The following HIP1 variants were observed in gnomAD, a reference collection of about 807,000 sequenced individuals.
HIP1 encodes the protein huntingtin-interacting protein 1.
HIP1 carries 65 observed loss-of-function variants against 147.6 expected under a neutral mutation model. The ratio of observed to expected loss-of-function variants is 0.44; its 90% CI spans 0.36 to 0.54. The LOEUF is 0.54. Ranked by LOEUF, HIP1 falls within the 20% of genes least tolerant of loss-of-function variation. HIP1 has a pLI of 0.00. For missense variants in HIP1, 1,061 were observed against 1,299.6 expected (o/e 0.82, Z 2.82); for synonymous variants, 479 against 504.0 (o/e 0.95, Z 0.67).
At chr7:75,548,247 T>G (rs1794648673) in intron 23 of HIP1, among the ~76,000 whole-genome samples, 3 of 152,070 alleles carry the variant, frequency 2.0e-5, no homozygotes, top group South Asian at 4.2e-4. Flanking sequence ...CAGGCTGGTC[T>G]CAAACTCCTG....
intron 30 of HIP1, among the ~76,000 whole-genome samples, chr7:75,538,570 C>A (rs201895101): frequency 4.4e-5 from 5 of 112,930 alleles, no homozygotes; most frequent in East Asian, 2.4e-4. Context: ...CTGATCCCTT[C>A]TTTTTTTTTT....
At chr7:75,550,946 A>G (rs888757914) in intron 22 of HIP1, among the ~76,000 whole-genome samples, 3 of 152,140 alleles carry the variant, frequency 2.0e-5, no homozygotes, top group Non-Finnish European at 4.4e-5. Flanking sequence ...ATTAATAACA[A>G]CCCAAACTGG....
chr7:75,595,982 A>G (rs1554501902), intron 2 of HIP1, among the ~76,000 whole-genome samples: 1 of 152,234 alleles, frequency 6.6e-6, no homozygotes, highest in East Asian at 1.9e-4. Flanking sequence ...TCACGCCTGT[A>G]ATTGCAGCAC....
rs191829730 is a variant in HIP1, at chr7:75,605,748, C to T, written c.121-6501G>A. Among the ~76,000 whole-genome samples, 17 of 152,342 alleles carry T rather than the reference C, an allele frequency of 1.1e-4. No homozygotes were observed. In the East Asian group the frequency reaches 3.1e-3, roughly 28 times the overall value. On this transcript the variant is annotated intron_variant, in intron 1 of 30. Transcript: ENST00000336926. ...ACAGGGTTTTGCCATGTTGGCCAGG[C>T]TGTTCTCAAACTCCTGTCCTGAGGT... is the stretch of plus-strand genomic sequence containing the variant.
At chr7:75,629,793 C>T (rs1485644827) in intron 1 of HIP1, among the ~76,000 whole-genome samples, 3 of 152,218 alleles carry the variant, frequency 2.0e-5, no homozygotes, top group Admixed American at 6.5e-5. Context: ...CCTCCCGCCT[C>T]GGCCTCCCAA....
intron 1 of HIP1, among the ~76,000 whole-genome samples, chr7:75,691,811 A>C (rs1285495264): frequency 6.6e-6 from 1 of 152,090 alleles, no homozygotes; most frequent in East Asian, 1.9e-4. Context: ...AACAAAAAAA[A>C]CTTCCAGAAT....
chr7:75,722,887 G>A (rs62477606), intron 1 of HIP1, among the ~76,000 whole-genome samples: 3,231 of 152,130 alleles, frequency 0.021, 44 homozygotes, highest in Middle Eastern at 0.037. Context: ...TAAGACTTTT[G>A]TGCATGAGTG....
At chr7:75,598,680 A>G (rs1796852410) in intron 2 of HIP1, among the ~76,000 whole-genome samples, 1 of 152,054 alleles carries the variant, frequency 6.6e-6, no homozygotes, top group Non-Finnish European at 1.5e-5. Flanking sequence ...GGGGTTACAG[A>G]GGAGGGAGGA....
intron 1 of HIP1, among the ~76,000 whole-genome samples, chr7:75,624,434 TG>T (rs1361221856): frequency 4.6e-5 from 7 of 151,208 alleles, no homozygotes; most frequent in African/African-American, 1.7e-4. Flanking sequence ...CTTAGGGGAG[TG>T]GGGGGAAAAA....
At chr7:75,585,041 G>A (rs1796201625) in intron 5 of HIP1, among the ~76,000 whole-genome samples, 1 of 151,570 alleles carries the variant, frequency 6.6e-6, no homozygotes, top group Non-Finnish European at 1.5e-5. Context: ...TAGAGATGGG[G>A]GTTTCACTAT....
intron 8 of HIP1, 30 bp downstream of exon 8, chr7:75,573,731 A>G (rs1432780995): frequency 1.2e-6 from 2 of 1,602,356 alleles, no homozygotes; most frequent in African/African-American, 1.3e-5. Context: ...CCTGAATCTC[A>G]TGTAAGAAGA....
At chr7:75,676,963 G>C (rs1351356202) in intron 1 of HIP1, among the ~76,000 whole-genome samples, 1 of 151,788 alleles carries the variant, frequency 6.6e-6, no homozygotes, top group Non-Finnish European at 1.5e-5. Context: ...GGGAGGCCAA[G>C]GCAGGCGGAT....
intron 1 of HIP1, among the ~76,000 whole-genome samples, chr7:75,673,179 G>A (rs782388070): frequency 1.2e-4 from 18 of 152,006 alleles, no homozygotes; most frequent in Non-Finnish European, 2.1e-4. Context: ...CCAACACCAC[G>A]CTGGGCTAAT....
intron 1 of HIP1, among the ~76,000 whole-genome samples, chr7:75,639,590 T>TGCGC (rs1554510182): frequency 1.4e-4 from 21 of 150,130 alleles, no homozygotes; most frequent in African/African-American, 4.4e-4. Context: ...TGTGTGTGTG[T>TGCGC]GTGCGCCCGC....
In HIP1 at chr7:75,568,698, T is replaced by C. The variant is rs1795501858; in HGVS notation, c.746-442A>G. Reference sequence around the variant, plus strand: ...CGCAGAACCTGCCCAAGAGGATGGCTGTCAGAAGGCAAAGAACAAGGGATT... The same window carrying C: ...CGCAGAACCTGCCCAAGAGGATGGCCGTCAGAAGGCAAAGAACAAGGGATT... On this transcript the variant is annotated intron_variant, in intron 8 of 30. Transcript: ENST00000336926. This position sits in a 1 kb window ranked among gnomAD's most constrained non-coding sequence, Gnocchi z 4.1. 6.6e-6 allele frequency among the ~76,000 whole-genome samples: 1 copy of C among 152,170 alleles called. No homozygotes were observed. The highest frequency in any genetic ancestry group is 1.5e-5 in the Non-Finnish European group (1 of 68,030).
intron 1 of HIP1, among the ~76,000 whole-genome samples, chr7:75,677,651 A>T (rs1433975237): frequency 6.6e-6 from 1 of 150,904 alleles, no homozygotes; most frequent in Non-Finnish European, 1.5e-5. Context: ...TAGGGTCTTC[A>T]AGGGAATCAC....
chr7:75,588,649 C>T (rs1039168836), intron 4 of HIP1, among the ~76,000 whole-genome samples: 2 of 151,942 alleles, frequency 1.3e-5, no homozygotes, highest in African/African-American at 4.8e-5. Flanking sequence ...TGGTGCACAC[C>T]TGTTTTCCCA....
chr7:75,724,940 A>G (rs1801608290), intron 1 of HIP1, among the ~76,000 whole-genome samples: 1 of 152,154 alleles, frequency 6.6e-6, no homozygotes, highest in African/African-American at 2.4e-5. Flanking sequence ...GCAGAATTTG[A>G]GAGAGACCTC....
chr7:75,686,661 TTTG>T (rs1457263876), intron 1 of HIP1, among the ~76,000 whole-genome samples: 4 of 151,908 alleles, frequency 2.6e-5, no homozygotes, highest in African/African-American at 9.7e-5. Flanking sequence ...TCATTTTTTT[TTTG>T]TTGTTGTTTG....
Sources: allele counts gnomAD v4.1 joint callset (sites outside exome capture counted in the v4.1 genomes callset), GRCh38; gene constraint gnomAD v4.1.1; non-coding constraint Gnocchi (gnomAD v3.1); transcripts MANE v1.5; gene names NCBI Gene and HGNC (gene_info 2026-07-23, HGNC 2026-07-21).